VPS26B: variants seen among roughly 807,000 people sequenced by gnomAD.
VPS26B encodes VPS26 retromer complex component B.
A neutral mutation model predicts 33.3 loss-of-function variants in VPS26B; 10 were observed. The ratio of observed to expected loss-of-function variants is 0.30; its 90% CI spans 0.19 to 0.51. VPS26B has a LOEUF of 0.51. VPS26B is among the 20% of genes least tolerant of loss of function. The pLI is 0.98. For synonymous variants in VPS26B, 190 were observed against 176.9 expected, an observed-to-expected ratio of 1.07 and a Z score of -0.59; for missense variants, 317 against 452.7, an observed-to-expected ratio of 0.70 and a Z score of 2.72.
Position 134,246,891 on chromosome 11 carries a change from C to T in VPS26B, c.*1301C>T, listed in dbSNP as rs1938837842. ...CCCTGGAAATGACAGGCATTACTCTCCCATTGGCCTCCCTTCCCTTTATAG... is the reference window on the plus strand; with the variant it reads ...CCCTGGAAATGACAGGCATTACTCTTCCATTGGCCTCCCTTCCCTTTATAG... On this transcript the variant is annotated 3_prime_UTR_variant, in exon 6 of 6. Coordinates refer to ENST00000281187, the MANE Select transcript of VPS26B (RefSeq NM_052875.5). The T allele has an allele frequency of 6.6e-6, 1 of 152,094 alleles. No individual in the cohort carries two copies. The highest frequency in any genetic ancestry group is 2.1e-4 in the South Asian group (1 of 4,832). 9.4% of individuals were successfully genotyped at this position (152,094 alleles called of 1,614,324 possible).
chr11:134,240,794 CGTGTGTGTGTGTGTGTGT>C lies in VPS26B; in HGVS notation c.545+656_545+673del, dbSNP rs55726358. Among the ~76,000 whole-genome samples, 1 of 138,532 alleles carries C rather than the reference CGTGTGTGTGTGTGTGTGT, an allele frequency of 7.2e-6. No individual in the cohort carries two copies. Among genetic ancestry groups the C allele is most frequent in the Non-Finnish European group, 1.5e-5 (1 of 64,946 alleles). 90.9% of individuals were successfully genotyped at this position (138,532 alleles called of 152,430 possible). On this transcript the variant is annotated intron_variant, in intron 3 of 5. Coordinates refer to ENST00000281187, the MANE Select transcript of VPS26B (RefSeq NM_052875.5). This position sits in a 1 kb window ranked among gnomAD's most constrained non-coding sequence, Gnocchi z 4.4. ...GTGTCCGTGTGTGTGTGTGTGTGTC[CGTGTGTGTGTGTGTGTGT>C]GTGTGTGTGTGTGTGTAGCCAAGGT...
chr11:134,232,595 G>A (rs1245681430), intron 1 of VPS26B, among the ~76,000 whole-genome samples: 1 of 152,226 alleles, frequency 6.6e-6, no homozygotes, highest in Admixed American at 6.5e-5. Context: ...CTTCTGCACT[G>A]TTGCTAGGCT....
At position 134,244,809 on chromosome 11, in the gene VPS26B, A is replaced by C; in HGVS notation, c.722-129A>C. ...ACCTGCTGGGCAGCAGAGCGACTGC[A>C]CCTTCCCAGAAGGCTGAAGTGCTCG... On this transcript the variant is annotated intron_variant, in intron 4 of 5. Transcript: ENST00000281187. The surrounding 1 kb of genome is among the most constrained non-coding windows in gnomAD (Gnocchi z 4.0). The C allele has an allele frequency of 7.6e-7, 1 of 1,308,704 alleles. No individual in the cohort carries two copies. The highest frequency in any genetic ancestry group is 1.0e-6 in the Non-Finnish European group (1 of 981,214). The allele number at this position is 1,308,704 out of a possible 1,614,324, so 81.1% of individuals were successfully genotyped here. A position where few individuals can be genotyped will look rare whatever the true frequency, so the allele number is the denominator to read the frequency against.
In VPS26B at chr11:134,225,365, C is replaced by G. The variant is rs770460078; in HGVS notation, c.223+20C>G. ...AGATCGGTGAGTCGACCCCCGGGACCCCCTCCCCCAGCGCCGACAGCCGGC... is the reference window on the plus strand; with the variant it reads ...AGATCGGTGAGTCGACCCCCGGGACGCCCTCCCCCAGCGCCGACAGCCGGC... On this transcript the variant is annotated intron_variant, in intron 1 of 5. Transcript: ENST00000281187. The G allele has an allele frequency of 6.2e-7, 1 of 1,612,184 alleles. No individual in the cohort carries two copies. The highest frequency in any genetic ancestry group is 1.1e-5 in the South Asian group (1 of 90,998).
intron 1 of VPS26B, among the ~76,000 whole-genome samples, chr11:134,234,397 C>T (rs1187812741): frequency 3.9e-5 from 6 of 152,230 alleles, no homozygotes; most frequent in African/African-American, 1.4e-4. Flanking sequence ...CTGCTCTAGT[C>T]TCAGCTCTGC....
intron 3 of VPS26B, among the ~76,000 whole-genome samples, chr11:134,241,658 G>C (rs1938727026): frequency 6.6e-6 from 1 of 152,250 alleles, no homozygotes; most frequent in African/African-American, 2.4e-5. Flanking sequence ...GCTCAAAGCA[G>C]CCACTGGTCA....
Position 134,245,630 on chromosome 11 carries a change from C to T in VPS26B, c.*40C>T, listed in dbSNP as rs186917699. On this transcript the variant is annotated 3_prime_UTR_variant, in exon 6 of 6. Transcript: ENST00000281187. The surrounding 1 kb of genome is among the most constrained non-coding windows in gnomAD (Gnocchi z 4.7). ...GAAGATGCTGGGCACCCACCCAGCA[C>T]CCCCATCTACCAACACCAGCGGCTG... 6.2e-3 allele frequency: 9,646 copies of T among 1,568,366 alleles called. 44 individuals are homozygous for T. Among genetic ancestry groups the T allele is most frequent in the Non-Finnish European group, 7.4e-3 (8,536 of 1,158,566 alleles).
rs139845275 is a variant in VPS26B, at chr11:134,228,600, G to A, written c.223+3255G>A. Among the ~76,000 whole-genome samples the A allele has an allele frequency of 8.9e-4, 131 of 147,198 alleles. 1 individual carries two copies. The East Asian group carries it at 0.017, about 19-fold the overall frequency. On this transcript the variant is annotated intron_variant, in intron 1 of 5. Coordinates refer to ENST00000281187, the MANE Select transcript of VPS26B (RefSeq NM_052875.5). ...TGAAATACACACATTGACAGGGAGTGAAGATGTACTATTTGGAAGTCTATT... is the reference window on the plus strand; with the variant it reads ...TGAAATACACACATTGACAGGGAGTAAAGATGTACTATTTGGAAGTCTATT...
At chr11:134,243,068 A>G (rs765249399) in intron 3 of VPS26B, 51 bp from the exon 4 acceptor site, 3 of 1,594,552 alleles carry the variant, frequency 1.9e-6, no homozygotes, top group Non-Finnish European at 2.6e-6. Flanking sequence ...TGAAACAGAA[A>G]GGTCTGGCCA....
chr11:134,225,992 A>G (rs191964898), intron 1 of VPS26B, among the ~76,000 whole-genome samples: 182 of 152,374 alleles, frequency 1.2e-3, no homozygotes, highest in African/African-American at 4.3e-3. Context: ...TCTTTATTAG[A>G]ATGCAAGTTT....
At chr11:134,233,539 T>C (rs1938587471) in intron 1 of VPS26B, among the ~76,000 whole-genome samples, 1 of 152,200 alleles carries the variant, frequency 6.6e-6, no homozygotes, top group Non-Finnish European at 1.5e-5. Context: ...CTGGCTAACA[T>C]GGTGAAACCC....
intron 1 of VPS26B, 25 bp downstream of exon 1, chr11:134,225,370 C>A (rs1938430857): frequency 1.2e-6 from 2 of 1,610,258 alleles, no homozygotes; most frequent in South Asian, 1.1e-5. Flanking sequence ...GGGACCCCCT[C>A]CCCCAGCGCC....
In VPS26B at chr11:134,245,229, C is replaced by A. The variant is rs948434036; in HGVS notation, c.864+149C>A. 6 of 1,343,746 alleles carry A rather than the reference C, an allele frequency of 4.5e-6. No individual in the cohort carries two copies. In the East Asian group the frequency reaches 1.5e-4, roughly 34 times the overall value. 83.2% of individuals were successfully genotyped at this position (1,343,746 alleles called of 1,614,324 possible). Reference sequence around the variant, plus strand: ...AACAAGAATGAGGATTCTCACCTGGCCTTAGAGTCTGCTTCCTCGGGCCTT... The same window carrying A: ...AACAAGAATGAGGATTCTCACCTGGACTTAGAGTCTGCTTCCTCGGGCCTT... On this transcript the variant is annotated intron_variant, in intron 5 of 5. Transcript: ENST00000281187. The surrounding 1 kb of genome is among the most constrained non-coding windows in gnomAD (Gnocchi z 4.7).
chr11:134,227,168 T>C (rs532315211), intron 1 of VPS26B, among the ~76,000 whole-genome samples: 66 of 152,338 alleles, frequency 4.3e-4, no homozygotes, highest in African/African-American at 1.5e-3. Context: ...TCTTCAGATA[T>C]TGCTGTATAT....
chr11:134,225,300 C>T lies in VPS26B; in HGVS notation c.178C>T (p.Arg60Trp), dbSNP rs755131324. 10 of 1,614,074 alleles carry T rather than the reference C, an allele frequency of 6.2e-6. No individual in the cohort carries two copies. In the South Asian group the frequency reaches 9.9e-5, roughly 16 times the overall value. ...VSLALKNPNK[R>W]LEHQGIKIEF... Reference sequence around the variant, plus strand: ...CCTTGCCCTCAAGAACCCCAACAAGCGGCTGGAGCACCAGGGCATCAAGAT... The same window carrying T: ...CCTTGCCCTCAAGAACCCCAACAAGTGGCTGGAGCACCAGGGCATCAAGAT... Residue 60 changes from arginine to tryptophan, a missense_variant, in exon 1 of 6, where the codon CGG becomes TGG. By Grantham distance (101) the Arg-to-Trp change is moderately radical (BLOSUM62 -3). Coordinates refer to ENST00000281187, the MANE Select transcript of VPS26B (RefSeq NM_052875.5).
Position 134,225,208 on chromosome 11 carries a change from C to T in VPS26B, c.86C>T (p.Thr29Met). 1.2e-6 allele frequency: 2 copies of T among 1,614,148 alleles called. No homozygotes were observed. Among genetic ancestry groups the T allele is most frequent in the Non-Finnish European group, 1.7e-6 (2 of 1,179,976 alleles). Residue 29 changes from threonine to methionine, a missense_variant, in exon 1 of 6, where the codon ACG becomes ATG. By Grantham distance (81) the Thr-to-Met change is moderately conservative (BLOSUM62 -1). Transcript: ENST00000281187. Reference protein sequence around the residue: ...AESRKRAEHKTEDGKKEKYFL... With the variant: ...AESRKRAEHKMEDGKKEKYFL... ...AGTAGGAAGCGGGCCGAGCACAAGACGGAGGACGGGAAGAAGGAGAAATAT... is the reference window on the plus strand; with the variant it reads ...AGTAGGAAGCGGGCCGAGCACAAGATGGAGGACGGGAAGAAGGAGAAATAT...
chr11:134,243,214 C>T lies in VPS26B; in HGVS notation c.641C>T (p.Thr214Met). The change falls in exon 4 of 6, where the codon ACG becomes ATG. Residue 214 changes from threonine to methionine, a missense_variant. Transcript: ENST00000281187. ...GAGATAGACATCATCAAGCGAGAAA[C>T]GACGGGTACAGGCCCCAACGTGTAC... ...HMEIDIIKRE[T>M]TGTGPNVYHE... The T allele has an allele frequency of 5.0e-6, 8 of 1,614,136 alleles. No homozygotes were observed. Among genetic ancestry groups the T allele is most frequent in the African/African-American group, 1.3e-5 (1 of 75,010 alleles).
intron 2 of VPS26B, among the ~76,000 whole-genome samples, chr11:134,238,377 A>C (rs1049230996): frequency 3.9e-5 from 6 of 152,114 alleles, no homozygotes; most frequent in Non-Finnish European, 5.9e-5. Context: ...TCATCTTCTT[A>C]GTGGAGTAAA....
Position 134,245,155 on chromosome 11 carries a change from A to G in VPS26B, c.864+75A>G. The stretch of plus-strand genomic sequence containing the variant: ...GGCTCTCTTTCCTATGGAAGGTCAG[A>G]CTCCATTTTTGCCAAGAGGTGGGAA... On this transcript the variant is annotated intron_variant, in intron 5 of 5. Coordinates refer to ENST00000281187, the MANE Select transcript of VPS26B (RefSeq NM_052875.5). This position sits in a 1 kb window ranked among gnomAD's most constrained non-coding sequence, Gnocchi z 4.7. The G allele has an allele frequency of 6.4e-7, 1 of 1,557,182 alleles. No individual in the cohort carries two copies. The highest frequency in any genetic ancestry group is 1.2e-5 in the South Asian group (1 of 83,340).
Sources: gnomAD v4.1 joint callset for allele counts (sites outside exome capture counted in the v4.1 genomes callset) on GRCh38, gnomAD v4.1.1 for gene constraint, Gnocchi (gnomAD v3.1) non-coding constraint, MANE v1.5 for transcripts, NCBI Gene and HGNC (gene_info 2026-07-23, HGNC 2026-07-21) for gene names.